Variants in TCP1 observed in about 807,000 individuals in gnomAD.
The protein encoded by TCP1 is T-complex protein 1 subunit alpha.
TCP1 carries 6 observed loss-of-function variants against 54.7 expected under a neutral mutation model. The ratio of observed to expected loss-of-function variants is 0.11; its 90% CI spans 0.06 to 0.22. The LOEUF is 0.22. Among genes scored for constraint, TCP1 ranks in the 10% least tolerant of loss-of-function variants. TCP1 has a pLI of 1.00. For missense variants in TCP1, 511 were observed against 678.2 expected (o/e 0.75, Z 2.74); for synonymous variants, 225 against 229.7 (o/e 0.98, Z 0.19).
intron 8 of TCP1, 102 bp downstream of exon 8, chr6:159,780,833 A>G (rs1780558791): frequency 7.2e-6 from 10 of 1,389,732 alleles, no homozygotes; most frequent in Non-Finnish European, 8.7e-6. Flanking sequence ...GAGAATATAA[A>G]TGTTTTTGAG....
At position 159,780,854 on chromosome 6, in the gene TCP1, T is replaced by C. The variant is rs576631609; in HGVS notation, c.973+81A>G. ...ATAAATGTTTTTGAGCTGTTTTCTGTCAATATTCCAATGTAAAAAGACCTT... is the reference window on the plus strand; with the variant it reads ...ATAAATGTTTTTGAGCTGTTTTCTGCCAATATTCCAATGTAAAAAGACCTT... On this transcript the variant is annotated intron_variant, in intron 8 of 11. Transcript: ENST00000321394. 297 of 1,463,820 alleles carry C rather than the reference T, an allele frequency of 2.0e-4. 1 individual carries two copies. The South Asian group carries it at 4.1e-3, about 20-fold the overall frequency. 90.7% of individuals were successfully genotyped at this position (1,463,820 alleles called of 1,614,324 possible).
rs1471084469 is a variant in TCP1 at position 159,785,482 on chromosome 6, T to A, written c.392A>T (p.Tyr131Phe). 8.1e-6 allele frequency: 13 copies of A among 1,613,216 alleles called. No homozygotes were observed. The East Asian group carries it at 8.9e-5, about 11-fold the overall frequency. The change falls in exon 5 of 12, where the codon TAT becomes TTT. Residue 131 changes from tyrosine (Y) to phenylalanine (F), a missense_variant. Tyr to Phe is a conservative substitution (Grantham distance 22). Coordinates refer to ENST00000321394, the MANE Select transcript of TCP1 (RefSeq NM_030752.3). ...GTTAACAATTAGGTTTTCATTGATA[T>A]AACGCACTGCTTCCCTGTTTAAAAG... The part of the protein sequence containing the change: ...YRLACKEAVR[Y>F]INENLIVNTD...
intron 2 of TCP1, 87 bp from the exon 3 acceptor site, chr6:159,787,958 T>G: frequency 6.2e-7 from 1 of 1,604,990 alleles, no homozygotes; most frequent in East Asian, 2.2e-5. Flanking sequence ...AATATCACCT[T>G]CCAGTACGTG....
intron 6 of TCP1, among the ~76,000 whole-genome samples, chr6:159,784,325 G>A (rs1420823403): frequency 2.1e-5 from 3 of 145,184 alleles, no homozygotes. Context: ...TTTTTTTTGA[G>A]ACGGAGTCTC....
At position 159,778,634 on chromosome 6, in the gene TCP1, A is replaced by G. The variant is rs1276005921; in HGVS notation, c.*411T>C. ...AACTGTGTCCACAGAAGAATAAACA[A>G]TCTAAATCTTTTCTCCCCCGTTAGG... On this transcript the variant is annotated 3_prime_UTR_variant, in exon 12 of 12. Coordinates refer to ENST00000321394, the MANE Select transcript of TCP1 (RefSeq NM_030752.3). 1.2e-6 allele frequency: 2 copies of G among 1,610,462 alleles called. No individual in the cohort carries two copies. Among genetic ancestry groups the G allele is most frequent in the African/African-American group, 1.3e-5 (1 of 74,836 alleles).
intron 7 of TCP1, among the ~76,000 whole-genome samples, chr6:159,783,015 A>G (rs1394178268): frequency 2.6e-5 from 4 of 152,254 alleles, no homozygotes; most frequent in Non-Finnish European, 4.4e-5. Flanking sequence ...AAAGCACCAG[A>G]GAAGTTTTGT....
At chr6:159,789,118 C>T in intron 1 of TCP1, 1 of 454,038 alleles carries the variant, frequency 2.2e-6, no homozygotes. Flanking sequence ...GCCCGGGAGG[C>T]CCGCTTTCCC....
rs778972204 is a variant in TCP1, at chr6:159,780,429, A to T, written c.1097+14T>A. On this transcript the variant is annotated intron_variant, in intron 9 of 11. Transcript: ENST00000321394. ...AATCGGTATAACTTTACAATTTTAGAAAGTGGCTCTTACTTTTTGATTAAG... is the reference window on the plus strand; with the variant it reads ...AATCGGTATAACTTTACAATTTTAGTAAGTGGCTCTTACTTTTTGATTAAG... 5 of 1,613,424 alleles carry T rather than the reference A, an allele frequency of 3.1e-6. No homozygotes were observed. The East Asian group carries it at 1.1e-4, about 36-fold the overall frequency.
intron 6 of TCP1, 93 bp downstream of exon 6, chr6:159,784,573 G>C: frequency 7.4e-7 from 1 of 1,357,362 alleles, no homozygotes; most frequent in Non-Finnish European, 1.0e-6. Context: ...CAAAGTGCTG[G>C]GATTACAGGC....
At chr6:159,785,041 C>A in intron 5 of TCP1, 194 bp from the exon 6 acceptor site, 1 of 641,772 alleles carries the variant, frequency 1.6e-6, no homozygotes, top group East Asian at 2.7e-5. Flanking sequence ...CTTTTTATTA[C>A]CTTTTCACCC....
chr6:159,779,449 T>TA, intron 11 of TCP1, 178 bp downstream of exon 11: 1 of 979,250 alleles, frequency 1.0e-6, no homozygotes, highest in South Asian at 1.7e-5. Flanking sequence ...CCAGTGCTAA[T>TA]AATTAGTCAT....
chr6:159,783,519 C>T (rs1337608881), intron 7 of TCP1, among the ~76,000 whole-genome samples: 1 of 151,194 alleles, frequency 6.6e-6, no homozygotes, highest in Non-Finnish European at 1.5e-5. Context: ...GTTGCGATTA[C>T]AGGCATGAGC....
rs9365096 is a variant in TCP1, at chr6:159,784,211, C to A, written c.671-144G>T. ...GAAAAATTTTATGGCATTAAATGCA[C>A]GTAATTTCTTTTAATTCACATTCCT... On this transcript the variant is annotated intron_variant, in intron 6 of 11. Coordinates refer to ENST00000321394, the MANE Select transcript of TCP1 (RefSeq NM_030752.3). 2.8e-5 allele frequency: 28 copies of A among 1,017,974 alleles called. 1 individual carries two copies. The South Asian group carries it at 3.5e-4, about 13-fold the overall frequency. 63.1% of individuals were successfully genotyped at this position (1,017,974 alleles called of 1,614,324 possible). A position where few individuals can be genotyped will look rare whatever the true frequency, so the allele number is the denominator to read the frequency against.
At chr6:159,784,562 C>A in intron 6 of TCP1, 104 bp downstream of exon 6, 1 of 1,262,352 alleles carries the variant, frequency 7.9e-7, no homozygotes, top group Non-Finnish European at 1.1e-6. Flanking sequence ...ACTCAGCCTC[C>A]CAAAGTGCTG....
In TCP1 at chr6:159,780,552, T is replaced by C; in HGVS notation, c.988A>G (p.Thr330Ala). 1.2e-6 allele frequency: 2 copies of C among 1,612,568 alleles called. No homozygotes were observed. Among genetic ancestry groups the C allele is most frequent in the East Asian group, 2.2e-5 (1 of 44,856 alleles). Residue 330 changes from threonine to alanine, a missense_variant, in exon 9 of 12, where the codon ACC becomes GCC. Coordinates refer to ENST00000321394, the MANE Select transcript of TCP1 (RefSeq NM_030752.3). ...TCTTCACCTTCCAAATTGGCCAGGG[T>C]TGACAGAATAGTTGCTAATAAGAGA... ...AKASGATILS[T>A]LANLEGEETF... is the part of the protein sequence containing the mutation.
Position 159,787,959 on chromosome 6 carries a change from C to T in TCP1, c.151-88G>A. On this transcript the variant is annotated intron_variant, in intron 2 of 11. Coordinates refer to ENST00000321394, the MANE Select transcript of TCP1 (RefSeq NM_030752.3). ...ACACGTTCACCTTTAATATCACCTT[C>T]CAGTACGTGGATTCTGATAAAGTCA... 3 of 1,604,704 alleles carry T rather than the reference C, an allele frequency of 1.9e-6. No homozygotes were observed. In the South Asian group the frequency reaches 3.3e-5, roughly 18 times the overall value.
rs764457269 is a variant in TCP1 at position 159,784,707 on chromosome 6, A to G, written c.629T>C (p.Leu210Pro). The change falls in exon 6 of 12, where the codon CTC becomes CCC. Residue 210 changes from leucine (L) to proline (P), a missense_variant. Coordinates refer to ENST00000321394, the MANE Select transcript of TCP1 (RefSeq NM_030752.3). ...ACAGTTGAGTGCATAGCCACTGATG[A>G]GCATACTCTCCATTTGACTTCTCCC... is the stretch of plus-strand genomic sequence containing the variant. Reference protein sequence around the residue: ...AHGRSQMESMLISGYALNCVV... With the variant: ...AHGRSQMESMPISGYALNCVV... 2.5e-6 allele frequency: 4 copies of G among 1,614,168 alleles called. No homozygotes were observed. The South Asian group carries it at 4.4e-5, about 18-fold the overall frequency.
intron 7 of TCP1, among the ~76,000 whole-genome samples, chr6:159,783,647 C>G (rs1055501695): frequency 9.9e-5 from 15 of 152,132 alleles, no homozygotes; most frequent in African/African-American, 3.6e-4. Flanking sequence ...ACTAATATCA[C>G]CTGCACCTCC....
chr6:159,784,260 A>C (rs1463581314), intron 6 of TCP1, among the ~76,000 whole-genome samples, 193 bp from the exon 7 acceptor site: 1 of 152,224 alleles, frequency 6.6e-6, no homozygotes, highest in South Asian at 2.1e-4. Flanking sequence ...ATGTGCTTTA[A>C]ATTACAAAAA....
Sources: gnomAD v4.1 joint callset for allele counts (sites outside exome capture counted in the v4.1 genomes callset) on GRCh38, gnomAD v4.1.1 for gene constraint, MANE v1.5 for transcripts, NCBI Gene and HGNC (gene_info 2026-07-23, HGNC 2026-07-21) for gene names.